Variants in KCNQ1OT1 observed in about 807,000 individuals in gnomAD.
The protein encoded by KCNQ1OT1 is KCNQ1 opposite strand/antisense transcript 1, also known as KCNQ1 antisense RNA 2 (non-protein coding).
rs1035331090 is a variant in KCNQ1OT1, at chr11:2,658,224, G to A, written n.41771C>T. 15 of 398,416 alleles carry A rather than the reference G, an allele frequency of 3.8e-5. No individual in the cohort carries two copies. Among genetic ancestry groups the A allele is most frequent in the Admixed American group, 8.8e-5 (2 of 22,698 alleles). 24.7% of individuals were successfully genotyped at this position (398,416 alleles called of 1,614,324 possible). A position where few individuals can be genotyped will look rare whatever the true frequency, so the allele number is the denominator to read the frequency against. ...TAATTTCAGCATTCATTCATGGATC[G>A]TTTTCCTGCAGCAAATATTACCGTG... On this transcript the variant is annotated non_coding_transcript_exon_variant, in exon 1 of 1. Transcript: ENST00000597346. This position sits in a 1 kb window ranked among gnomAD's most constrained non-coding sequence, Gnocchi z 4.9.
chr11:2,632,250 G>C (rs1206387474), exon 1 of KCNQ1OT1: 1 of 395,782 alleles, frequency 2.5e-6, no homozygotes, highest in East Asian at 3.6e-5. Context: ...CTGCTACTTT[G>C]CTGAATTAAT....
exon 1 of KCNQ1OT1, chr11:2,662,384 T>G (rs1336086130): frequency 1.3e-5 from 4 of 308,254 alleles, no homozygotes; most frequent in Non-Finnish European, 2.5e-5. Context: ...CCCAGCCCCC[T>G]CCCCTGCCCC....
exon 1 of KCNQ1OT1, chr11:2,685,713 G>A: frequency 2.5e-6 from 1 of 398,704 alleles, no homozygotes; most frequent in East Asian, 3.6e-5. Flanking sequence ...GGACCCCAGG[G>A]AGGGTGCTCT....
Position 2,674,831 on chromosome 11 carries a change from TTAAAAAAAAAAAA to T in KCNQ1OT1, n.25151_25163del. The T allele has an allele frequency of 2.8e-6, 1 of 362,346 alleles. No homozygotes were observed. Among genetic ancestry groups the T allele is most frequent in the African/African-American group, 2.6e-5 (1 of 38,458 alleles). 22.4% of individuals were successfully genotyped at this position (362,346 alleles called of 1,614,324 possible). A position where few individuals can be genotyped will look rare whatever the true frequency, so the allele number is the denominator to read the frequency against. On this transcript the variant is annotated non_coding_transcript_exon_variant, in exon 1 of 1. Coordinates refer to ENST00000597346, the Ensembl canonical transcript of KCNQ1OT1. The surrounding 1 kb of genome is among the most constrained non-coding windows in gnomAD (Gnocchi z 5.9). ...GGCTTGTCACCCTAATAGCTGTTTT[TTAAAAAAAAAAAA>T]AAAAAAAAAAAAAAAAGCTCACTGG...
exon 1 of KCNQ1OT1, chr11:2,641,011 T>G: frequency 2.5e-6 from 1 of 398,546 alleles, no homozygotes; most frequent in Non-Finnish European, 4.4e-6. Flanking sequence ...TCTTCTTTGG[T>G]CAATTAGTAT....
Position 2,621,577 on chromosome 11 carries a change from T to C in KCNQ1OT1, n.78418A>G. On this transcript the variant is annotated non_coding_transcript_exon_variant, in exon 1 of 1. Coordinates refer to ENST00000597346, the Ensembl canonical transcript of KCNQ1OT1. The surrounding 1 kb of genome is among the most constrained non-coding windows in gnomAD (Gnocchi z 5.7). ...CACTGTGATCTCTTTGCTATTGGTC[T>C]GTTCAGGCTTTCTATTCCTGATTTA... 2.5e-6 allele frequency: 1 copy of C among 398,576 alleles called. No individual in the cohort carries two copies. 24.7% of individuals were successfully genotyped at this position (398,576 alleles called of 1,614,324 possible).
At position 2,645,837 on chromosome 11, in the gene KCNQ1OT1, G is replaced by A. The variant is rs1849657578; in HGVS notation, n.54158C>T. On this transcript the variant is annotated non_coding_transcript_exon_variant, in exon 1 of 1. Transcript: ENST00000597346. The surrounding 1 kb of genome is among the most constrained non-coding windows in gnomAD (Gnocchi z 5.8). Reference sequence around the variant, plus strand: ...ATGGGACTTTCCTGAAGTTGCCTGAGGATTCAGGGGATGTGTGAATTGCCT... The same window carrying A: ...ATGGGACTTTCCTGAAGTTGCCTGAAGATTCAGGGGATGTGTGAATTGCCT... 5.0e-6 allele frequency: 2 copies of A among 398,562 alleles called. No individual in the cohort carries two copies. The highest frequency in any genetic ancestry group is 8.8e-6 in the Non-Finnish European group (2 of 226,154). The allele number at this position is 398,562 out of a possible 1,614,324, so 24.7% of individuals were successfully genotyped here.
At chr11:2,628,592 G>A (rs2133813092) in exon 1 of KCNQ1OT1, 2 of 398,358 alleles carry the variant, frequency 5.0e-6, no homozygotes, top group African/African-American at 2.1e-5. Context: ...TACATGTGCT[G>A]CCTTTTCATT....
At chr11:2,672,736 T>C (rs1030979477) in exon 1 of KCNQ1OT1, 2 of 398,782 alleles carry the variant, frequency 5.0e-6, no homozygotes, top group East Asian at 3.6e-5. Context: ...CTCCAAGTTC[T>C]ATGCTTTTTT....
rs907205178 is a variant in KCNQ1OT1, at chr11:2,671,739, A to T, written n.28256T>A. On this transcript the variant is annotated non_coding_transcript_exon_variant, in exon 1 of 1. Coordinates refer to ENST00000597346, the Ensembl canonical transcript of KCNQ1OT1. This position sits in a 1 kb window ranked among gnomAD's most constrained non-coding sequence, Gnocchi z 4.7. ...TGGTAGGCAAGGCTTTTCAGAGAAC[A>T]AGGAGCTACATACACATACATGCAT... The T allele has an allele frequency of 7.5e-6, 3 of 398,598 alleles. No individual in the cohort carries two copies. Among genetic ancestry groups the T allele is most frequent in the Non-Finnish European group, 1.3e-5 (3 of 226,120 alleles). The allele number at this position is 398,598 out of a possible 1,614,324, so 24.7% of individuals were successfully genotyped here. A position where few individuals can be genotyped will look rare whatever the true frequency, so the allele number is the denominator to read the frequency against.
exon 1 of KCNQ1OT1, chr11:2,694,878 A>T: frequency 2.5e-6 from 1 of 398,654 alleles, no homozygotes. Flanking sequence ...AAATAAGAAG[A>T]AGGAATTGTC....
chr11:2,631,941 G>C, exon 1 of KCNQ1OT1: 1 of 397,100 alleles, frequency 2.5e-6, no homozygotes, highest in Non-Finnish European at 4.4e-6. Context: ...CCAGCACTTT[G>C]GGAGGCTGAG....
At chr11:2,644,551 A>T (rs1401111289) in exon 1 of KCNQ1OT1, 2 of 398,094 alleles carry the variant, frequency 5.0e-6, no homozygotes, top group East Asian at 7.1e-5. Flanking sequence ...AGGTTTCATC[A>T]ATTTCTTTTT....
At position 2,610,149 on chromosome 11, in the gene KCNQ1OT1, C is replaced by A. The variant is rs938627552; in HGVS notation, n.89846G>T. ...TACTTTCTAATATAAATTTTCATTT[C>A]TTTTATGATTCTTCAATATTCTATT... On this transcript the variant is annotated non_coding_transcript_exon_variant, in exon 1 of 1. Coordinates refer to ENST00000597346, the Ensembl canonical transcript of KCNQ1OT1. 4 of 397,622 alleles carry A rather than the reference C, an allele frequency of 1.0e-5. No individual in the cohort carries two copies. In the South Asian group the frequency reaches 5.1e-4, roughly 51 times the overall value. The allele number at this position is 397,622 out of a possible 1,614,324, so 24.6% of individuals were successfully genotyped here.
rs1849815571 is a variant in KCNQ1OT1, at chr11:2,654,857, C to T, written n.45138G>A. ...TGTAGCCTCATGGGCAGCTCCAGGC[C>T]AGGTGGAGGGACATATTCTGGCAAC... On this transcript the variant is annotated non_coding_transcript_exon_variant, in exon 1 of 1. Coordinates refer to ENST00000597346, the Ensembl canonical transcript of KCNQ1OT1. This position sits in a 1 kb window ranked among gnomAD's most constrained non-coding sequence, Gnocchi z 6.4. 1 of 398,376 alleles carries T rather than the reference C, an allele frequency of 2.5e-6. No homozygotes were observed. The highest frequency in any genetic ancestry group is 2.1e-5 in the African/African-American group (1 of 48,546). The allele number at this position is 398,376 out of a possible 1,614,324, so 24.7% of individuals were successfully genotyped here. A position where few individuals can be genotyped will look rare whatever the true frequency, so the allele number is the denominator to read the frequency against.
chr11:2,614,041 G>A (rs1849021454), exon 1 of KCNQ1OT1: 1 of 398,566 alleles, frequency 2.5e-6, no homozygotes, highest in Non-Finnish European at 4.4e-6. Context: ...GTGTGACTGT[G>A]CTATAACCTT....
exon 1 of KCNQ1OT1, chr11:2,625,737 T>A: frequency 2.5e-6 from 1 of 397,040 alleles, no homozygotes. Flanking sequence ...GCCTGGCTAA[T>A]TTTTTGTATT....
At chr11:2,636,821 T>C (rs1158050331) in exon 1 of KCNQ1OT1, 2 of 152,212 alleles carry the variant, frequency 1.3e-5, no homozygotes, top group Admixed American at 6.5e-5. Context: ...GTCCTGGACT[T>C]TTTTTGGTTG....
rs1447732995 is a variant in KCNQ1OT1 at position 2,668,474 on chromosome 11, CT to C, written n.31520del. On this transcript the variant is annotated non_coding_transcript_exon_variant, in exon 1 of 1. Transcript: ENST00000597346. The surrounding 1 kb of genome is among the most constrained non-coding windows in gnomAD (Gnocchi z 4.3). The stretch of plus-strand genomic sequence containing the variant: ...AACACTTGGCATTTTCCGTCGTTTC[CT>C]TTTCAGCCATGATGGTGAATGTCTA... 7.5e-6 allele frequency: 3 copies of C among 398,476 alleles called. No individual in the cohort carries two copies. Among genetic ancestry groups the C allele is most frequent in the Non-Finnish European group, 1.3e-5 (3 of 226,066 alleles). The allele number at this position is 398,476 out of a possible 1,614,324, so 24.7% of individuals were successfully genotyped here.
Sources: allele counts gnomAD v4.1 joint callset, GRCh38; gene constraint gnomAD v4.1.1; non-coding constraint Gnocchi (gnomAD v3.1); transcripts MANE v1.5; gene names NCBI Gene and HGNC (gene_info 2026-07-23, HGNC 2026-07-21).